The following HEPH variants were observed in gnomAD, a reference collection of about 807,000 sequenced individuals.
The protein encoded by HEPH is hephaestin.
Under a neutral mutation model 80.8 loss-of-function variants are expected in HEPH, and 69 were observed. The ratio of observed to expected loss-of-function variants is 0.85; its 90% confidence interval spans 0.70 to 1.04. HEPH has a LOEUF of 1.04. Among genes scored for constraint, HEPH ranks in the 50% least tolerant of loss-of-function variants. The pLI is 0.00. For missense variants in HEPH, 1,115 were observed against 891.3 expected (o/e 1.25, Z -3.20); for synonymous variants, 431 against 322.8 (o/e 1.34, Z -3.60).
In HEPH at chrX:66,189,897, G is replaced by A; in HGVS notation, c.1022G>A (p.Gly341Asp). The change falls in exon 6 of 21, where the codon GGT becomes GAT. Residue 341 changes from glycine to aspartate, a missense_variant. By Grantham distance (94) the Gly-to-Asp change is moderately conservative (BLOSUM62 -1). This residue lies in a region of HEPH where 391 missense variants were observed against 343.6 expected (regional missense o/e 1.14). Transcript: ENST00000343002. ...GCTGAGATGGTGCCCTGGGAACCTG[G>A]TACCTGGTTAATTAGCTGCCAAGTG... is the stretch of plus-strand genomic sequence containing the variant. ...VTAEMVPWEP[G>D]TWLISCQVNS... The A allele has an allele frequency of 8.4e-7, 1 of 1,193,149 alleles. No homozygotes were observed. Among genetic ancestry groups the A allele is most frequent in the Non-Finnish European group, 1.1e-6 (1 of 885,698 alleles).
chrX:66,242,039 A>G (rs1170736127), intron 15 of HEPH, among the ~76,000 whole-genome samples: 2 of 109,851 alleles, frequency 1.8e-5, no homozygotes, highest in African/African-American at 6.7e-5. Flanking sequence ...TATGAGCCAA[A>G]AAATAGCTTG....
At chrX:66,236,583 T>C (rs2090369258) in intron 15 of HEPH, among the ~76,000 whole-genome samples, 1 of 112,026 alleles carries the variant, frequency 8.9e-6, no homozygotes, top group Non-Finnish European at 1.9e-5. Context: ...TCTACTTTTG[T>C]TGTGTCTCTG....
chrX:66,172,605 C>T lies in HEPH; in HGVS notation c.412+6C>T, dbSNP rs1377568557. The T allele has an allele frequency of 4.4e-6, 5 of 1,127,945 alleles. No homozygotes were observed. The highest frequency in any genetic ancestry group is 5.9e-6 in the Non-Finnish European group (5 of 852,446). The allele number at this position is 1,127,945 out of a possible 1,213,427, so 93.0% of individuals were successfully genotyped here. A position where few individuals can be genotyped will look rare whatever the true frequency, so the allele number is the denominator to read the frequency against. On this transcript the variant is annotated splice_donor_region_variant and intron_variant, in intron 3 of 20. Transcript: ENST00000343002. ...CTACGAGAAGGACTCTGAAGGTAAACCATTCCACCGTTTCTTTCCCCCATG... is the reference window on the plus strand; with the variant it reads ...CTACGAGAAGGACTCTGAAGGTAAATCATTCCACCGTTTCTTTCCCCCATG...
intron 4 of HEPH, among the ~76,000 whole-genome samples, chrX:66,174,080 G>A (rs760670145): frequency 8.3e-4 from 91 of 109,241 alleles, no homozygotes; most frequent in Admixed American, 1.2e-3. Flanking sequence ...GTTGTTTAGC[G>A]GTGATTTGTG....
rs146802098 is a variant in HEPH, at chrX:66,234,342, T to C, written c.2564-20693T>C. On this transcript the variant is annotated intron_variant, in intron 15 of 20. Transcript: ENST00000343002. ...TATTGATGGGCATTTCAGATGACTC[T>C]GTGTCTTTCCTATTGCGAATAGTGC... Among the ~76,000 whole-genome samples the C allele has an allele frequency of 6.6e-3, 739 of 111,920 alleles. 8 individuals are homozygous for C. Among genetic ancestry groups the C allele is most frequent in the African/African-American group, 0.022 (693 of 30,829 alleles).
intron 13 of HEPH, among the ~76,000 whole-genome samples, chrX:66,205,811 A>C (rs376222432): frequency 2.2e-3 from 247 of 110,535 alleles, no homozygotes; most frequent in African/African-American, 7.9e-3. Context: ...GAATTGTTTC[A>C]GTTTTTGGAA....
chrX:66,258,123 G>A (rs1473197651), intron 17 of HEPH, among the ~76,000 whole-genome samples: 4 of 111,932 alleles, frequency 3.6e-5, no homozygotes, highest in Admixed American at 1.9e-4. Context: ...CTATAGTAAT[G>A]CAGTGTATAC....
chrX:66,244,074 A>G (rs763822482), intron 15 of HEPH, among the ~76,000 whole-genome samples: 4 of 111,664 alleles, frequency 3.6e-5, no homozygotes, highest in Non-Finnish European at 1.9e-5. Flanking sequence ...TTTGTAGGTG[A>G]CCTGCCCCTT....
At chrX:66,197,918 G>A (rs1191635760) in intron 10 of HEPH, 24 bp downstream of exon 10, 2 of 1,149,205 alleles carry the variant, frequency 1.7e-6, no homozygotes, top group Non-Finnish European at 2.3e-6. Flanking sequence ...TATCTGGCTG[G>A]AAAGCCTGCT....
At chrX:66,241,981 C>G (rs746409210) in intron 15 of HEPH, among the ~76,000 whole-genome samples, 2 of 109,216 alleles carry the variant, frequency 1.8e-5, no homozygotes, top group Non-Finnish European at 3.8e-5. Flanking sequence ...TATCAAACCA[C>G]TAAGGACATT....
chrX:66,225,476 CA>C (rs983328529), intron 15 of HEPH, among the ~76,000 whole-genome samples: 1 of 111,735 alleles, frequency 8.9e-6, no homozygotes, highest in Non-Finnish European at 1.9e-5. Flanking sequence ...CAAGTCAAGT[CA>C]AAAAAAAGAA....
At chrX:66,244,360 C>T (rs1037187302) in intron 15 of HEPH, among the ~76,000 whole-genome samples, 1 of 111,272 alleles carries the variant, frequency 9.0e-6, no homozygotes, top group South Asian at 3.8e-4. Flanking sequence ...AGATTTTGTT[C>T]ATTTATTTTT....
At chrX:66,253,725 A>G (rs937030503) in intron 15 of HEPH, among the ~76,000 whole-genome samples, 1 of 112,574 alleles carries the variant, frequency 8.9e-6, no homozygotes, top group Admixed American at 9.4e-5. Flanking sequence ...TGAATAAAAT[A>G]TGGTGTATCT....
Position 66,214,813 on chromosome X carries a change from A to G in HEPH, c.2563+6567A>G, listed in dbSNP as rs769666344. ...ATTATTTCATGTTTAGTTTCTGTAA[A>G]TATATTAATCAGTCTCCAATCTATT... is the stretch of plus-strand genomic sequence containing the variant. On this transcript the variant is annotated intron_variant, in intron 15 of 20. Coordinates refer to ENST00000343002, the MANE Select transcript of HEPH (RefSeq NM_001367233.3). Among the ~76,000 whole-genome samples the G allele has an allele frequency of 5.4e-5, 6 of 111,049 alleles. No homozygotes were observed. The South Asian group carries it at 2.3e-3, about 42-fold the overall frequency.
chrX:66,204,516 C>A (rs1329082308), intron 13 of HEPH, among the ~76,000 whole-genome samples: 1 of 112,084 alleles, frequency 8.9e-6, no homozygotes, highest in African/African-American at 3.2e-5. Flanking sequence ...GATAGACATA[C>A]AATTATGAAA....
chrX:66,166,983 T>C (rs1363028996), intron 1 of HEPH, among the ~76,000 whole-genome samples: 1 of 112,504 alleles, frequency 8.9e-6, no homozygotes, highest in Non-Finnish European at 1.9e-5. Context: ...CACTAATACC[T>C]TTTGATCACT....
intron 15 of HEPH, among the ~76,000 whole-genome samples, chrX:66,222,373 A>C (rs766217487): frequency 2.9e-4 from 33 of 112,514 alleles, no homozygotes; most frequent in East Asian, 2.0e-3. Context: ...CCTTAGTGGA[A>C]AGGGGACAAT....
At chrX:66,220,418 C>CT (rs34306016) in intron 15 of HEPH, among the ~76,000 whole-genome samples, 3 of 111,283 alleles carry the variant, frequency 2.7e-5, no homozygotes, top group Non-Finnish European at 3.8e-5. Context: ...ACACACTCCC[C>CT]TTTTTTCCAG....
chrX:66,186,198 A>T (rs2087419773), intron 4 of HEPH, among the ~76,000 whole-genome samples: 3 of 98,356 alleles, frequency 3.1e-5, no homozygotes, highest in Non-Finnish European at 6.1e-5. Context: ...CTACAGAGGC[A>T]GGCAGGCCTC....
Sources: allele counts gnomAD v4.1 joint callset (sites outside exome capture counted in the v4.1 genomes callset), GRCh38; gene constraint gnomAD v4.1.1; regional missense constraint gnomAD v4.1.1; transcripts MANE v1.5; gene names NCBI Gene and HGNC (gene_info 2026-07-23, HGNC 2026-07-21).